ADCY8: variants seen among roughly 807,000 people sequenced by gnomAD.
ADCY8 encodes adenylate cyclase 8.
ADCY8 carries 51 observed loss-of-function variants against 119.7 expected under a neutral mutation model. The observed-to-expected ratio is 0.43, with a 90% CI of 0.34 to 0.54. The LOEUF is 0.54. Ranked by LOEUF, ADCY8 falls within the 20% of genes least tolerant of loss-of-function variation. ADCY8 has a pLI of 0.03. For synonymous variants in ADCY8, 665 were observed against 651.0 expected (o/e 1.02, Z -0.33); for missense variants, 1,383 against 1,598.8 (o/e 0.87, Z 2.30).
chr8:130,804,903 T>C (rs952384567), intron 14 of ADCY8, among the ~76,000 whole-genome samples: 1 of 152,124 alleles, frequency 6.6e-6, no homozygotes, highest in Non-Finnish European at 1.5e-5. Flanking sequence ...CCTGCCATCA[T>C]ACCAGGCTAA....
intron 1 of ADCY8, among the ~76,000 whole-genome samples, chr8:130,993,309 G>A (rs1043393799): frequency 1.3e-5 from 2 of 152,140 alleles, no homozygotes; most frequent in African/African-American, 2.4e-5. Context: ...AGTATACACT[G>A]CAAAATAAGA....
At chr8:131,004,894 C>G (rs1013306160) in intron 1 of ADCY8, among the ~76,000 whole-genome samples, 1 of 152,084 alleles carries the variant, frequency 6.6e-6, no homozygotes, top group Non-Finnish European at 1.5e-5. Context: ...TGGCTGGGAT[C>G]ATTCTGTGGT....
In ADCY8 at chr8:130,842,230, T is replaced by C. The variant is rs542279428; in HGVS notation, c.2502+5194A>G. ...TTATGATTTTGTCTTTATTATGGCT[T>C]GAGTAATTTGATTATGATGTGCCTT... On this transcript the variant is annotated intron_variant, in intron 11 of 17. Coordinates refer to ENST00000286355, the MANE Select transcript of ADCY8 (RefSeq NM_001115.3). Among the ~76,000 whole-genome samples the C allele has an allele frequency of 2.6e-5, 4 of 152,298 alleles. No individual in the cohort carries two copies. The East Asian group carries it at 7.7e-4, about 29-fold the overall frequency.
intron 6 of ADCY8, among the ~76,000 whole-genome samples, chr8:130,909,146 G>GAATCT (rs1393213911): frequency 6.6e-6 from 1 of 152,176 alleles, no homozygotes; most frequent in Non-Finnish European, 1.5e-5. Context: ...TGTGTAAACA[G>GAATCT]AATCTTGATA....
intron 15 of ADCY8, among the ~76,000 whole-genome samples, chr8:130,795,453 G>A (rs866454838): frequency 9.2e-5 from 14 of 152,366 alleles, no homozygotes; most frequent in African/African-American, 2.6e-4. Flanking sequence ...TCGCGAAGCC[G>A]ACCCTGAGTG....
chr8:130,802,243 G>A (rs905049194), intron 14 of ADCY8, among the ~76,000 whole-genome samples: 38 of 152,158 alleles, frequency 2.5e-4, no homozygotes, highest in African/African-American at 9.2e-4. Context: ...GACCCTTAGA[G>A]TCATCCTGAC....
chr8:130,795,621 G>T lies in ADCY8; in HGVS notation c.3060+4805C>A, dbSNP rs1815556054. Among the ~76,000 whole-genome samples the T allele has an allele frequency of 2.0e-5, 3 of 152,180 alleles. No homozygotes were observed. In the South Asian group the frequency reaches 6.2e-4, roughly 32 times the overall value. ...CCTCCAGGTCTCATGTCATCCTGGG[G>T]TGGACAGACAGGCAGACGGAGCAGA... On this transcript the variant is annotated intron_variant, in intron 15 of 17. Transcript: ENST00000286355.
At chr8:131,007,902 C>T (rs573581083) in intron 1 of ADCY8, among the ~76,000 whole-genome samples, 1 of 152,124 alleles carries the variant, frequency 6.6e-6, no homozygotes, top group Admixed American at 6.5e-5. Flanking sequence ...TACACTGAGA[C>T]AATTGATACC....
In ADCY8 at chr8:130,990,550, A is replaced by G. The variant is rs771844072; in HGVS notation, c.961-8T>C. The G allele has an allele frequency of 2.2e-5, 35 of 1,612,800 alleles. No homozygotes were observed. Among genetic ancestry groups the G allele is most frequent in the Non-Finnish European group, 3.0e-5 (35 of 1,179,108 alleles). On this transcript the variant is annotated splice_region_variant and splice_polypyrimidine_tract_variant and intron_variant, in intron 1 of 17. Coordinates refer to ENST00000286355, the MANE Select transcript of ADCY8 (RefSeq NM_001115.3). ...CACTGCCTGGGCCACAACCTAAAAT[A>G]AACACAGTCTGGTCAGGCGCTTAAA...
At chr8:131,034,175 C>A (rs577250313) in intron 1 of ADCY8, among the ~76,000 whole-genome samples, 2 of 152,162 alleles carry the variant, frequency 1.3e-5, no homozygotes, top group South Asian at 2.1e-4. Context: ...TATTACATGC[C>A]ATTTGTTGTA....
chr8:130,869,974 TTCC>T (rs747794446), intron 8 of ADCY8, among the ~76,000 whole-genome samples: 9 of 148,710 alleles, frequency 6.1e-5, no homozygotes, highest in Non-Finnish European at 8.9e-5. Context: ...TTCTTCCTTC[TTCC>T]TCCTCCTCCT....
intron 5 of ADCY8, among the ~76,000 whole-genome samples, chr8:130,917,375 G>A (rs1009760829): frequency 1.3e-5 from 2 of 152,212 alleles, no homozygotes; most frequent in Non-Finnish European, 2.9e-5. Context: ...GGAGCCCAGA[G>A]AGGTTAAGTC....
chr8:130,936,690 G>C (rs776569290), intron 5 of ADCY8, among the ~76,000 whole-genome samples: 5 of 152,036 alleles, frequency 3.3e-5, no homozygotes, highest in Admixed American at 6.6e-5. Flanking sequence ...CCAAGCACTT[G>C]GATTTGATTT....
intron 7 of ADCY8, among the ~76,000 whole-genome samples, chr8:130,894,908 A>G (rs1287524892): frequency 6.6e-6 from 1 of 152,144 alleles, no homozygotes; most frequent in Non-Finnish European, 1.5e-5. Flanking sequence ...TTGGAAAGAA[A>G]AACCTTCCTC....
At chr8:130,892,601 A>G (rs1390303794) in intron 7 of ADCY8, 2 of 152,136 alleles carry the variant, frequency 1.3e-5, no homozygotes, top group African/African-American at 4.8e-5. Flanking sequence ...CAGGATATCC[A>G]AGCACAATCC....
intron 6 of ADCY8, 45 bp downstream of exon 6, chr8:130,909,663 C>T: frequency 6.2e-7 from 1 of 1,608,540 alleles, no homozygotes; most frequent in South Asian, 1.1e-5. Flanking sequence ...ACAAAATAAG[C>T]CAATGACAAC....
intron 1 of ADCY8, among the ~76,000 whole-genome samples, chr8:131,037,900 A>G (rs1824213529): frequency 6.6e-6 from 1 of 152,198 alleles, no homozygotes; most frequent in Non-Finnish European, 1.5e-5. Flanking sequence ...TGACTGTGAT[A>G]AAACACTCAT....
chr8:130,788,626 A>AT (rs1337479700), intron 15 of ADCY8, among the ~76,000 whole-genome samples: 1 of 152,080 alleles, frequency 6.6e-6, no homozygotes, highest in Non-Finnish European at 1.5e-5. Flanking sequence ...AGAAGGAAGG[A>AT]TTTTAAATTT....
At chr8:130,806,150 G>A (rs1193619246) in intron 14 of ADCY8, among the ~76,000 whole-genome samples, 2 of 152,184 alleles carry the variant, frequency 1.3e-5, no homozygotes, top group Non-Finnish European at 2.9e-5. Context: ...CTGGGCAAGT[G>A]AGGTGACTCC....
Sources: allele counts gnomAD v4.1 joint callset (sites outside exome capture counted in the v4.1 genomes callset), GRCh38; gene constraint gnomAD v4.1.1; transcripts MANE v1.5; gene names NCBI Gene and HGNC (gene_info 2026-07-23, HGNC 2026-07-21).